The following TAPT1 variants were observed in gnomAD, a reference collection of about 807,000 sequenced individuals.
TAPT1 encodes the protein transmembrane anterior posterior transformation protein 1 homolog.
A neutral mutation model predicts 65.6 loss-of-function variants in TAPT1; 28 were observed. That is an observed-to-expected ratio of 0.43 (90% CI 0.32 to 0.59). The LOEUF (loss-of-function observed/expected upper bound fraction) is 0.59, where lower values mean the gene tolerates loss of function less well. Among genes scored for constraint, TAPT1 ranks in the 20% least tolerant of loss-of-function variants. TAPT1 has a pLI of 0.09. For missense variants in TAPT1, 563 were observed against 679.9 expected (o/e 0.83, Z 1.91); for synonymous variants, 278 against 245.2 (o/e 1.13, Z -1.25).
chr4:16,192,786 T>C (rs1288821255), intron 3 of TAPT1, among the ~76,000 whole-genome samples: 1 of 152,180 alleles, frequency 6.6e-6, no homozygotes, highest in Non-Finnish European at 1.5e-5. Context: ...TTTTAGGAGC[T>C]GCAGAATCTC....
At chr4:16,195,169 A>C (rs948129606) in intron 3 of TAPT1, among the ~76,000 whole-genome samples, 1 of 152,220 alleles carries the variant, frequency 6.6e-6, no homozygotes, top group Non-Finnish European at 1.5e-5. Context: ...TAACCTCACA[A>C]ATAAGTTTAC....
intron 10 of TAPT1, 113 bp from the exon 11 acceptor site, chr4:16,174,385 G>T: frequency 5.5e-6 from 5 of 904,832 alleles, no homozygotes; most frequent in Non-Finnish European, 8.4e-6. Flanking sequence ...TATGGAGCAA[G>T]AACAGAACCT....
chr4:16,173,671 A>AT (rs1032746678), intron 11 of TAPT1, among the ~76,000 whole-genome samples: 4 of 152,230 alleles, frequency 2.6e-5, no homozygotes, highest in Non-Finnish European at 5.9e-5. Context: ...GCATACCATA[A>AT]TTTTTTAACC....
chr4:16,161,789 C>T lies in TAPT1; in HGVS notation c.*1519G>A, dbSNP rs1486672678. 2.6e-5 allele frequency: 4 copies of T among 152,168 alleles called. No individual in the cohort carries two copies. The highest frequency in any genetic ancestry group is 5.9e-5 in the Non-Finnish European group (4 of 68,032). The allele number at this position is 152,168 out of a possible 1,614,324, so 9.4% of individuals were successfully genotyped here. ...TGTATTTCAAATGAACAAGTCAGAA[C>T]ATTAAAGCTTGCTTTATATTTCATC... On this transcript the variant is annotated 3_prime_UTR_variant, in exon 14 of 14. Transcript: ENST00000405303.
chr4:16,209,480 G>A (rs1750536123), intron 2 of TAPT1, among the ~76,000 whole-genome samples: 1 of 152,250 alleles, frequency 6.6e-6, no homozygotes, highest in Admixed American at 6.5e-5. Flanking sequence ...TTCTAAATTT[G>A]AATTTAAACA....
intron 3 of TAPT1, chr4:16,196,665 A>G: frequency 7.8e-7 from 1 of 1,287,888 alleles, no homozygotes; most frequent in Non-Finnish European, 1.0e-6. Flanking sequence ...CACCACAAGG[A>G]GTCCCTGTGC....
chr4:16,224,822 C>A (rs1380315556), intron 1 of TAPT1, among the ~76,000 whole-genome samples: 6 of 152,198 alleles, frequency 3.9e-5, no homozygotes, highest in African/African-American at 1.4e-4. Flanking sequence ...AGCTCAAGAT[C>A]TGTGCTCATC....
rs559450045 is a variant in TAPT1, at chr4:16,178,031, T to C, written c.997+1546A>G. ...CCAGCTGTCTAGGAGGCATAAAGACTATTTGTCTTTTGGTTTAACCACTCA... is the reference window on the plus strand; with the variant it reads ...CCAGCTGTCTAGGAGGCATAAAGACCATTTGTCTTTTGGTTTAACCACTCA... On this transcript the variant is annotated intron_variant, in intron 8 of 13. Transcript: ENST00000405303. Among the ~76,000 whole-genome samples the C allele has an allele frequency of 7.2e-5, 11 of 152,334 alleles. No homozygotes were observed. The East Asian group carries it at 1.9e-3, about 27-fold the overall frequency.
At chr4:16,165,071 G>A (rs1747507483) in intron 13 of TAPT1, among the ~76,000 whole-genome samples, 1 of 151,994 alleles carries the variant, frequency 6.6e-6, no homozygotes, top group South Asian at 2.1e-4. Context: ...GGCCCTTCTG[G>A]AGTGCCCTTT....
At chr4:16,174,818 T>G (rs1407033802) in intron 9 of TAPT1, 89 bp from the exon 10 acceptor site, 1 of 958,552 alleles carries the variant, frequency 1.0e-6, no homozygotes, top group East Asian at 3.0e-5. Flanking sequence ...AAACATTTAA[T>G]AATTAACCAG....
At chr4:16,212,633 G>C (rs1310823459) in intron 2 of TAPT1, among the ~76,000 whole-genome samples, 3 of 152,098 alleles carry the variant, frequency 2.0e-5, no homozygotes, top group Non-Finnish European at 4.4e-5. Flanking sequence ...GGCCCCCCCA[G>C]GGAACTCTAG....
chr4:16,179,335 TAG>T (rs1404609841), intron 8 of TAPT1: 1 of 398,452 alleles, frequency 2.5e-6, no homozygotes, highest in African/African-American at 2.1e-5. Context: ...AAAAGGACAC[TAG>T]GAGACCAGGT....
rs1465902653 is a variant in TAPT1 at position 16,191,403 on chromosome 4, C to T, written c.570G>A (p.Gly190=). The change falls in exon 4 of 14, where the codon GGG becomes GGA. Residue 190 remains glycine (G), a synonymous_variant. Coordinates refer to ENST00000405303, the MANE Select transcript of TAPT1 (RefSeq NM_153365.3). ...TGATGTAGAGCTTGATGACGGACTG[C>T]CCCCTTATCAGGTGGTACATCATGG... ...DYSMMYHLIR[G]QSVIKLYIIY... 1.9e-6 allele frequency: 3 copies of T among 1,600,354 alleles called. No individual in the cohort carries two copies. The highest frequency in any genetic ancestry group is 2.6e-6 in the Non-Finnish European group (3 of 1,173,408).
At chr4:16,171,668 G>A (rs1301331372) in intron 11 of TAPT1, among the ~76,000 whole-genome samples, 4 of 152,170 alleles carry the variant, frequency 2.6e-5, no homozygotes, top group Non-Finnish European at 5.9e-5. Context: ...TATGAGAAAA[G>A]TGACAATGGA....
intron 3 of TAPT1, chr4:16,196,642 A>G: frequency 7.8e-7 from 1 of 1,276,878 alleles, no homozygotes; most frequent in Middle Eastern, 2.2e-4. Context: ...AGAAGGAAAA[A>G]TCAGGGTTTA....
In TAPT1 at chr4:16,188,181, A is replaced by G. The variant is rs767976805; in HGVS notation, c.748+39T>C. On this transcript the variant is annotated intron_variant, in intron 5 of 13. Coordinates refer to ENST00000405303, the MANE Select transcript of TAPT1 (RefSeq NM_153365.3). ...CCAAATAAAATAAGGTAGACTATGC[A>G]TTAACTGTCGGAAATTTCCAGTAGG... is the stretch of plus-strand genomic sequence containing the variant. 10 of 1,561,218 alleles carry G rather than the reference A, an allele frequency of 6.4e-6. 1 individual carries two copies. The highest frequency in any genetic ancestry group is 1.7e-4 in the Middle Eastern group (1 of 5,842).
intron 1 of TAPT1, among the ~76,000 whole-genome samples, chr4:16,225,680 G>T (rs1180737743): frequency 6.6e-6 from 1 of 151,926 alleles, no homozygotes; most frequent in Non-Finnish European, 1.5e-5. Context: ...TAATTTTTTT[G>T]GCATAAGTTT....
Position 16,170,734 on chromosome 4 carries a change from C to A in TAPT1, c.1237-5G>T. The A allele has an allele frequency of 6.2e-7, 1 of 1,612,306 alleles. No individual in the cohort carries two copies. The highest frequency in any genetic ancestry group is 8.5e-7 in the Non-Finnish European group (1 of 1,178,600). ...GCTTGTTACAACTCTGATGAGCTAG[C>A]CAGAAACAAACCAAAACAACAAAAA... is the stretch of plus-strand genomic sequence containing the variant. On this transcript the variant is annotated splice_region_variant and splice_polypyrimidine_tract_variant and intron_variant, in intron 11 of 13. Transcript: ENST00000405303.
intron 2 of TAPT1, among the ~76,000 whole-genome samples, 163 bp downstream of exon 2, chr4:16,213,605 A>T (rs1205740507): frequency 6.6e-6 from 1 of 152,218 alleles, no homozygotes; most frequent in Non-Finnish European, 1.5e-5. Flanking sequence ...ACACTAAAAA[A>T]TGTAACTTTA....
Sources: allele counts gnomAD v4.1 joint callset (sites outside exome capture counted in the v4.1 genomes callset), GRCh38; gene constraint gnomAD v4.1.1; transcripts MANE v1.5; gene names NCBI Gene and HGNC (gene_info 2026-07-23, HGNC 2026-07-21).